EP300: variants seen among roughly 807,000 people sequenced by gnomAD.
The protein encoded by EP300 is EP300 lysine acetyltransferase, also known as histone acetyltransferase p300.
EP300 carries 31 observed loss-of-function variants against 264.0 expected under a neutral mutation model. That is an observed-to-expected ratio of 0.12 (90% CI 0.09 to 0.16). The LOEUF is 0.16. Ranked by LOEUF, EP300 falls within the 10% of genes least tolerant of loss-of-function variation. EP300 has a pLI of 1.00. For synonymous variants in EP300, 1,340 were observed against 1,045.4 expected, an observed-to-expected ratio of 1.28 and a Z score of -5.44; for missense variants, 2,766 against 3,052.9, an observed-to-expected ratio of 0.91 and a Z score of 2.21.
intron 8 of EP300, among the ~76,000 whole-genome samples, chr22:41,139,334 A>G (rs1006283345): frequency 1.3e-5 from 2 of 152,174 alleles, no homozygotes; most frequent in African/African-American, 4.8e-5. Context: ...TTATTCCTTT[A>G]ATAAAGAATA....
At position 41,157,245 on chromosome 22, in the gene EP300, A is replaced by C; in HGVS notation, c.3338A>C (p.Glu1113Ala). ...KRKLDTGQYQ[E>A]PWQYVDDIWL... Reference sequence around the variant, plus strand: ...AAGTTAGACACTGGACAGTATCAGGAGCCCTGGCAGTATGTCGATGATATT... The same window carrying C: ...AAGTTAGACACTGGACAGTATCAGGCGCCCTGGCAGTATGTCGATGATATT... Residue 1113 changes from glutamate (E) to alanine (A), a missense_variant, in exon 18 of 31, where the codon GAG becomes GCG. By Grantham distance (107) the Glu-to-Ala change is moderately radical. Transcript: ENST00000263253. The C allele has an allele frequency of 1.9e-6, 3 of 1,614,190 alleles. No individual in the cohort carries two copies. Among genetic ancestry groups the C allele is most frequent in the Non-Finnish European group, 2.5e-6 (3 of 1,180,034 alleles).
At chr22:41,140,050 T>C (rs1015977877) in intron 8 of EP300, 90 bp from the exon 9 acceptor site, 2 of 903,588 alleles carry the variant, frequency 2.2e-6, no homozygotes, top group Non-Finnish European at 3.7e-6. Context: ...TTATTTTTTC[T>C]TTTCCTCTAT....
At chr22:41,172,123 A>C (rs868026497) in intron 27 of EP300, among the ~76,000 whole-genome samples, 1 of 152,174 alleles carries the variant, frequency 6.6e-6, no homozygotes, top group Non-Finnish European at 1.5e-5. Flanking sequence ...TGAAATTCCA[A>C]GGATGGGTGT....
chr22:41,177,452 C>T lies in EP300; in HGVS notation c.5741C>T (p.Ala1914Val), dbSNP rs1183312131. The change falls in exon 31 of 31, where the codon GCT (alanine) becomes GTT (valine). Residue 1914 changes from alanine to valine, a missense_variant. By Grantham distance (64) the Ala-to-Val change is moderately conservative (BLOSUM62 0). Transcript: ENST00000263253. ...ACCCCTCCAACCCCTCCTCAGACTG[C>T]TCAGCCACCCCTTCCAGGGCCCCCA... ...QVTPPTPPQT[A>V]QPPLPGPPPA... 2 of 1,614,234 alleles carry T rather than the reference C, an allele frequency of 1.2e-6. No individual in the cohort carries two copies. Among genetic ancestry groups the T allele is most frequent in the Non-Finnish European group, 1.7e-6 (2 of 1,180,038 alleles).
chr22:41,135,628 T>TA (rs2058946201), intron 6 of EP300, among the ~76,000 whole-genome samples, 185 bp from the exon 7 acceptor site: 1 of 152,170 alleles, frequency 6.6e-6, no homozygotes, highest in Non-Finnish European at 1.5e-5. Flanking sequence ...ATCTTTTTCT[T>TA]ACCTGTTTGT....
At chr22:41,159,438 T>C (rs2059095896) in intron 19 of EP300, 1 of 152,236 alleles carries the variant, frequency 6.6e-6, no homozygotes, top group Non-Finnish European at 1.5e-5. Context: ...AGCTCTTTAC[T>C]CATTTGAAAC....
intron 7 of EP300, among the ~76,000 whole-genome samples, chr22:41,136,342 C>T (rs1242393274): frequency 6.6e-6 from 1 of 152,202 alleles, no homozygotes; most frequent in African/African-American, 2.4e-5. Flanking sequence ...CTTCTTTCTA[C>T]AGCCTTAATC....
chr22:41,175,366 T>A (rs2059194470), intron 29 of EP300, among the ~76,000 whole-genome samples: 1 of 152,214 alleles, frequency 6.6e-6, no homozygotes, highest in African/African-American at 2.4e-5. Context: ...AAGGGGATGT[T>A]TTACATTTTA....
At chr22:41,168,381 G>C in intron 23 of EP300, 68 bp from the exon 24 acceptor site, 8 of 1,564,230 alleles carry the variant, frequency 5.1e-6, no homozygotes, top group Non-Finnish European at 7.0e-6. Flanking sequence ...AATGAGATTT[G>C]AGGTTGAACC....
At position 41,177,812 on chromosome 22, in the gene EP300, G is replaced by A; in HGVS notation, c.6101G>A (p.Gly2034Asp). ...AACATGGCTCCACAACCAGGATTGG[G>A]CCAGGTAGGTATCAGCCCACTCAAA... is the stretch of plus-strand genomic sequence containing the variant. ...PLNMAPQPGL[G>D]QVGISPLKPG... The change falls in exon 31 of 31, where the codon GGC (glycine) becomes GAC (aspartate). Residue 2034 changes from glycine (G) to aspartate (D), a missense_variant. Physicochemically the swap from Gly to Asp is moderately conservative, Grantham distance 94. Transcript: ENST00000263253. 1.2e-6 allele frequency: 2 copies of A among 1,614,038 alleles called. No individual in the cohort carries two copies. Among genetic ancestry groups the A allele is most frequent in the Non-Finnish European group, 1.7e-6 (2 of 1,180,028 alleles).
At chr22:41,167,814 G>GGTTTGTTTT (rs71328778) in intron 23 of EP300, among the ~76,000 whole-genome samples, 1 of 66,208 alleles carries the variant, frequency 1.5e-5, no homozygotes, top group East Asian at 4.4e-4. Context: ...GTTTGTTTTT[G>GGTTTGTTTT]TTTTTTTTTT....
chr22:41,096,386 C>G (rs930547374), intron 1 of EP300, among the ~76,000 whole-genome samples: 4 of 152,002 alleles, frequency 2.6e-5, no homozygotes, highest in Admixed American at 2.0e-4. Flanking sequence ...TAAAAAGCAC[C>G]TGGAAAGATA....
In EP300 at chr22:41,178,563, G is replaced by C; in HGVS notation, c.6852G>C (p.Met2284Ile). 1 of 1,614,022 alleles carries C rather than the reference G, an allele frequency of 6.2e-7. No individual in the cohort carries two copies. Among genetic ancestry groups the C allele is most frequent in the East Asian group, 2.2e-5 (1 of 44,870 alleles). ...QPNPMSPQQHMLPNQAQSPHL... is the reference protein window; with the variant it reads ...QPNPMSPQQHILPNQAQSPHL... ...ACCCCATGAGCCCCCAGCAGCATATGCTCCCAAATCAGGCCCAGTCCCCAC... is the reference window on the plus strand; with the variant it reads ...ACCCCATGAGCCCCCAGCAGCATATCCTCCCAAATCAGGCCCAGTCCCCAC... Residue 2284 changes from methionine to isoleucine, a missense_variant, in exon 31 of 31, where the codon ATG becomes ATC. Transcript: ENST00000263253.
At chr22:41,155,244 C>T (rs2059070408) in intron 17 of EP300, 131 bp downstream of exon 17, 4 of 819,580 alleles carry the variant, frequency 4.9e-6, no homozygotes, top group South Asian at 4.4e-5. Flanking sequence ...TTTTTTCCCC[C>T]TGAGACAGGG....
chr22:41,101,363 G>A (rs1166746447), intron 1 of EP300, among the ~76,000 whole-genome samples: 1 of 151,768 alleles, frequency 6.6e-6, no homozygotes, highest in Non-Finnish European at 1.5e-5. Flanking sequence ...GAGCCACAGT[G>A]CCTGGCCAAT....
rs1302150638 is a variant in EP300 at position 41,168,873 on chromosome 22, ACTAGCTCACAGTGG to A, written c.4172+14_4172+27del. The A allele has an allele frequency of 2.0e-5, 33 of 1,614,208 alleles. No homozygotes were observed. The highest frequency in any genetic ancestry group is 2.8e-5 in the Non-Finnish European group (33 of 1,180,036). On this transcript the variant is annotated splice_region_variant and intron_variant, in intron 25 of 30. Transcript: ENST00000263253. ...TGCCCTCCACCCAACCAGAGGTATG[ACTAGCTCACAGTGG>A]CTAGCTCCGGATTTGTGTGGGAGTT...
intron 1 of EP300, among the ~76,000 whole-genome samples, chr22:41,111,313 C>T (rs980048730): frequency 6.6e-6 from 1 of 152,134 alleles, no homozygotes; most frequent in Non-Finnish European, 1.5e-5. Flanking sequence ...CCATTTGTTG[C>T]TGGCATACAG....
chr22:41,166,602 C>T lies in EP300; in HGVS notation c.3810C>T (p.Phe1270=), dbSNP rs760116084. ...CAAAGTTTTGGTTTACATTTAGATT[C>T]GTCTGTGATGGCTGTTTAAAGAAAA... is the stretch of plus-strand genomic sequence containing the variant. ...LHHEIIWPAG[F]VCDGCLKKSA... is the part of the protein sequence containing the mutation. Residue 1270 remains phenylalanine, a synonymous_variant, in exon 23 of 31, where the codon TTC becomes TTT. Coordinates refer to ENST00000263253, the MANE Select transcript of EP300 (RefSeq NM_001429.4). 7 of 1,612,412 alleles carry T rather than the reference C, an allele frequency of 4.3e-6. No individual in the cohort carries two copies. Among genetic ancestry groups the T allele is most frequent in the South Asian group, 1.1e-5 (1 of 90,926 alleles).
intron 1 of EP300, among the ~76,000 whole-genome samples, chr22:41,097,060 A>G (rs1231709441): frequency 6.6e-6 from 1 of 152,210 alleles, no homozygotes; most frequent in Non-Finnish European, 1.5e-5. Context: ...ATGTTTACAT[A>G]AGAGTTTGCT....
Sources: gnomAD v4.1 joint callset for allele counts (sites outside exome capture counted in the v4.1 genomes callset) on GRCh38, gnomAD v4.1.1 for gene constraint, MANE v1.5 for transcripts, NCBI Gene and HGNC (gene_info 2026-07-23, HGNC 2026-07-21) for gene names.